CEP41: variants seen among roughly 807,000 people sequenced by gnomAD.
The protein encoded by CEP41 is centrosomal protein 41, also known as centrosomal protein of 41 kDa.
In CEP41, 32 loss-of-function variants were observed where a neutral mutation model predicts 44.3. The observed-to-expected ratio is 0.72, with a 90% CI of 0.54 to 0.97. The LOEUF (loss-of-function observed/expected upper bound fraction) is 0.97, where lower values mean the gene tolerates loss of function less well. Among genes scored for constraint, CEP41 ranks in the 50% least tolerant of loss-of-function variants. The pLI is 0.00. For missense variants in CEP41, 432 were observed against 455.2 expected (o/e 0.95, Z 0.46); for synonymous variants, 151 against 168.5 (o/e 0.90, Z 0.80).
At chr7:130,412,433 T>C (rs548689528) in intron 3 of CEP41, among the ~76,000 whole-genome samples, 193 bp from the exon 4 acceptor site, 2 of 152,216 alleles carry the variant, frequency 1.3e-5, no homozygotes, top group Admixed American at 6.5e-5. Context: ...TCCCTTTGCT[T>C]TGTCATTAGG....
At chr7:130,436,276 ATCTTG>A in intron 1 of CEP41, among the ~76,000 whole-genome samples, 1 of 151,728 alleles carries the variant, frequency 6.6e-6, no homozygotes. Context: ...CAAGGACATT[ATCTTG>A]AGTGAAAAAA....
intron 2 of CEP41, among the ~76,000 whole-genome samples, chr7:130,423,511 T>C (rs1306361781): frequency 2.6e-5 from 4 of 152,208 alleles, no homozygotes; most frequent in African/African-American, 9.6e-5. Context: ...CCTCCTACAT[T>C]GCTGCTGGGA....
intron 3 of CEP41, among the ~76,000 whole-genome samples, chr7:130,412,579 G>T (rs181201369): frequency 6.6e-6 from 1 of 152,176 alleles, no homozygotes; most frequent in Admixed American, 6.5e-5. Context: ...TTTGTAAGCC[G>T]CCTCAAATCC....
intron 1 of CEP41, 86 bp from the exon 2 acceptor site, chr7:130,428,104 G>A: frequency 1.1e-6 from 1 of 921,248 alleles, no homozygotes; most frequent in East Asian, 2.4e-5. Context: ...TTTAAAAATG[G>A]AAAAAAAGTG....
chr7:130,440,757 C>A, intron 1 of CEP41, 177 bp downstream of exon 1: 2 of 713,372 alleles, frequency 2.8e-6, no homozygotes, highest in Non-Finnish European at 4.8e-6. Flanking sequence ...GGGTCCTGAA[C>A]GCTGCCCCGC....
chr7:130,428,114 G>T, intron 1 of CEP41, 96 bp from the exon 2 acceptor site: 1 of 873,240 alleles, frequency 1.1e-6, no homozygotes, highest in Non-Finnish European at 1.9e-6. Context: ...GAAAAAAAGT[G>T]CTAAAATTTC....
chr7:130,411,082 G>C, intron 5 of CEP41, 40 bp downstream of exon 5: 1 of 1,560,472 alleles, frequency 6.4e-7, no homozygotes, highest in South Asian at 1.1e-5. Context: ...CAGTCAAATG[G>C]TCAGCCTGTT....
At chr7:130,441,685 G>A (rs1007439141), upstream of CEP41, among the ~76,000 whole-genome samples, 2 of 152,234 alleles carry the variant, frequency 1.3e-5, no homozygotes, top group African/African-American at 4.8e-5. Flanking sequence ...AGTAGGTCTT[G>A]TGGAGAATGG....
intron 5 of CEP41, among the ~76,000 whole-genome samples, chr7:130,409,223 T>C: frequency 6.6e-6 from 1 of 152,234 alleles, no homozygotes; most frequent in East Asian, 1.9e-4. Flanking sequence ...GAGTGAGTTA[T>C]TATCTGTGTA....
chr7:130,416,935 G>T lies in CEP41; in HGVS notation c.129C>A (p.Leu43=). 6.3e-7 allele frequency: 1 copy of T among 1,590,118 alleles called. No homozygotes were observed. Reference sequence around the variant, plus strand: ...GTTACTTACTTTTCTTAATCTCTTCGAGCTTCTCAGTATATTTAGTCATAC... The same window carrying T: ...GTTACTTACTTTTCTTAATCTCTTCTAGCTTCTCAGTATATTTAGTCATAC... ...GNSMTKYTEK[L]EEIKKNYRYK... is the part of the protein sequence containing the mutation. Residue 43 remains leucine, a synonymous_variant, in exon 3 of 11, where the codon CTC becomes CTA. Transcript: ENST00000223208.
chr7:130,418,111 T>C (rs950282750), intron 2 of CEP41, among the ~76,000 whole-genome samples: 1 of 152,202 alleles, frequency 6.6e-6, no homozygotes, highest in African/African-American at 2.4e-5. Flanking sequence ...CTTTTCTTTT[T>C]TTTGGTGTTA....
At chr7:130,403,161 G>A (rs1382726567) in intron 6 of CEP41, among the ~76,000 whole-genome samples, 5 of 152,198 alleles carry the variant, frequency 3.3e-5, no homozygotes, top group Non-Finnish European at 5.9e-5. Flanking sequence ...GAGCGAAAGA[G>A]GGAAGAATAT....
intron 1 of CEP41, 111 bp downstream of exon 1, chr7:130,440,823 C>T: frequency 8.2e-7 from 1 of 1,220,446 alleles, no homozygotes; most frequent in Non-Finnish European, 1.2e-6. Context: ...TCACGCCGGC[C>T]CCTTCCCGCC....
At chr7:130,407,111 A>G (rs1554418359) in intron 5 of CEP41, among the ~76,000 whole-genome samples, 3 of 152,142 alleles carry the variant, frequency 2.0e-5, no homozygotes, top group African/African-American at 7.2e-5. Context: ...ACCTCAATGA[A>G]GAGAGTGACA....
intron 2 of CEP41, chr7:130,420,918 T>G (rs1554422070): frequency 2.0e-6 from 2 of 978,396 alleles, no homozygotes; most frequent in African/African-American, 1.8e-5. Flanking sequence ...GCACACCTGA[T>G]TTTCTTTAAA....
intron 6 of CEP41, 23 bp from the exon 7 acceptor site, chr7:130,402,822 G>A: frequency 1.9e-6 from 3 of 1,613,960 alleles, no homozygotes; most frequent in Non-Finnish European, 2.5e-6. Context: ...AAGTAGGTCA[G>A]CAGAAACTAG....
rs782649697 is a variant in CEP41, at chr7:130,398,209, T to C, written c.*682A>G. On this transcript the variant is annotated 3_prime_UTR_variant, in exon 11 of 11. Transcript: ENST00000223208. ...CCCGGTGTGAAGACACCCACATGCA[T>C]ACCTTTCTGGCTCCAGGAAATATCT... The C allele has an allele frequency of 6.2e-5, 28 of 453,944 alleles. No individual in the cohort carries two copies. The highest frequency in any genetic ancestry group is 1.2e-4 in the Admixed American group (5 of 42,560). The allele number at this position is 453,944 out of a possible 1,614,324, so 28.1% of individuals were successfully genotyped here. A position where few individuals can be genotyped will look rare whatever the true frequency, so the allele number is the denominator to read the frequency against.
rs782610948 is a variant in CEP41, at chr7:130,400,827, A to G, written c.643-6T>C. The G allele has an allele frequency of 6.3e-7, 1 of 1,576,500 alleles. No individual in the cohort carries two copies. The highest frequency in any genetic ancestry group is 1.3e-5 in the African/African-American group (1 of 74,360). On this transcript the variant is annotated splice_polypyrimidine_tract_variant and splice_region_variant and intron_variant, in intron 8 of 10. Coordinates refer to ENST00000223208, the MANE Select transcript of CEP41 (RefSeq NM_018718.3). The stretch of plus-strand genomic sequence containing the variant: ...ATCTTGCCATGGGCATTTTTCTAAG[A>G]GTCAGATGAGTTAAGGTTCCAAGGC...
At chr7:130,414,583 C>CAA (rs1415248601) in intron 3 of CEP41, among the ~76,000 whole-genome samples, 1 of 151,758 alleles carries the variant, frequency 6.6e-6, no homozygotes, top group Non-Finnish European at 1.5e-5. Context: ...TTTAAACAAA[C>CAA]AAAAAAAAGA....
Sources: gnomAD v4.1 joint callset for allele counts (sites outside exome capture counted in the v4.1 genomes callset) on GRCh38, gnomAD v4.1.1 for gene constraint, MANE v1.5 for transcripts, NCBI Gene and HGNC (gene_info 2026-07-23, HGNC 2026-07-21) for gene names.